The following CAMTA1 variants were observed in gnomAD, a reference collection of about 807,000 sequenced individuals.
CAMTA1 encodes calmodulin-binding transcription activator 1.
CAMTA1 carries 27 observed loss-of-function variants against 170.9 expected under a neutral mutation model. The observed-to-expected ratio is 0.16, with a 90% confidence interval of 0.12 to 0.22. CAMTA1 has a LOEUF of 0.22. Among genes scored for constraint, CAMTA1 ranks in the 10% least tolerant of loss-of-function variants. The pLI is 1.00. For missense variants in CAMTA1, 1,619 were observed against 2,217.2 expected, an observed-to-expected ratio of 0.73 and a Z score of 5.42; for synonymous variants, 833 against 891.5, an observed-to-expected ratio of 0.93 and a Z score of 1.17.
chr1:7,537,670 A>AGGGGCTCTTCCCT (rs1266952425), intron 6 of CAMTA1, among the ~76,000 whole-genome samples: 1 of 152,132 alleles, frequency 6.6e-6, no homozygotes, highest in Non-Finnish European at 1.5e-5. Flanking sequence ...GTCCTCACTG[A>AGGGGCTCTTCCCT]TGAATCTCTT....
intron 4 of CAMTA1, among the ~76,000 whole-genome samples, chr1:7,101,148 G>A (rs1283786650): frequency 2.6e-5 from 4 of 152,246 alleles, no homozygotes; most frequent in African/African-American, 9.6e-5. Flanking sequence ...CTGGCGCCCC[G>A]CAGGCCCCGC....
At chr1:7,018,551 C>T (rs535518914) in intron 3 of CAMTA1, among the ~76,000 whole-genome samples, 4 of 152,178 alleles carry the variant, frequency 2.6e-5, no homozygotes, top group East Asian at 1.9e-4. Context: ...TCCTCTCTCC[C>T]GCTTCTCCTT....
chr1:6,905,097 T>C (rs1678099864), intron 3 of CAMTA1, among the ~76,000 whole-genome samples: 1 of 151,964 alleles, frequency 6.6e-6, no homozygotes. Flanking sequence ...GCCTGTGAAC[T>C]TCATGTTTTC....
At chr1:7,607,399 G>GTGGA (rs146308752) in intron 6 of CAMTA1, among the ~76,000 whole-genome samples, 23,487 of 144,094 alleles carry the variant, frequency 0.16, 2,158 homozygotes, top group African/African-American at 0.25. Flanking sequence ...AGGTGGACTG[G>GTGGA]TGGATGGATG....
At chr1:6,893,267 AAAAAG>A (rs889747391) in intron 3 of CAMTA1, among the ~76,000 whole-genome samples, 4 of 152,294 alleles carry the variant, frequency 2.6e-5, no homozygotes, top group African/African-American at 7.2e-5. Context: ...TCTCGAGGAA[AAAAAG>A]AAAAGAAGAA....
rs1171938518 is a variant in CAMTA1 at position 7,064,575 on chromosome 1, G to A, written c.235-26729G>A. Among the ~76,000 whole-genome samples the A allele has an allele frequency of 6.6e-6, 1 of 152,314 alleles. No individual in the cohort carries two copies. The highest frequency in any genetic ancestry group is 1.5e-5 in the Non-Finnish European group (1 of 68,030). On this transcript the variant is annotated intron_variant, in intron 3 of 22. Transcript: ENST00000303635. The surrounding 1 kb of genome is among the most constrained non-coding windows in gnomAD (Gnocchi z 5.4). ...CCCTGAGGAGGCAGCAGTTTAAGCTGAGATGGGAAGGAAGAGAGGAAGGTG... is the reference window on the plus strand; with the variant it reads ...CCCTGAGGAGGCAGCAGTTTAAGCTAAGATGGGAAGGAAGAGAGGAAGGTG...
At chr1:7,706,089 AATG>A (rs1336936530) in intron 11 of CAMTA1, among the ~76,000 whole-genome samples, 1 of 152,262 alleles carries the variant, frequency 6.6e-6, no homozygotes, top group Non-Finnish European at 1.5e-5. Context: ...AGATTTCTGA[AATG>A]ATGATATTCT....
intron 6 of CAMTA1, among the ~76,000 whole-genome samples, chr1:7,594,988 G>GA (rs1018659642): frequency 1.3e-5 from 2 of 152,174 alleles, no homozygotes; most frequent in Non-Finnish European, 2.9e-5. Flanking sequence ...GGCGATGGGG[G>GA]ATCACCCAAT....
chr1:6,999,589 C>T (rs987812310), intron 3 of CAMTA1, among the ~76,000 whole-genome samples: 3 of 152,162 alleles, frequency 2.0e-5, no homozygotes, highest in African/African-American at 7.2e-5. Context: ...TCCCATGTTG[C>T]CTAGGCTGGT....
rs139466758 is a variant in CAMTA1, at chr1:6,969,455, G to A, written c.235-121849G>A. ...TGCCGCTTGCCCTGGAACCTGGTCC[G>A]GCTCCTCCCCCGGATGATCACATCT... On this transcript the variant is annotated intron_variant, in intron 3 of 22. Coordinates refer to ENST00000303635, the MANE Select transcript of CAMTA1 (RefSeq NM_015215.4). 2.6e-4 allele frequency among the ~76,000 whole-genome samples: 39 copies of A among 152,212 alleles called. No homozygotes were observed. In the East Asian group the frequency reaches 7.0e-3, roughly 27 times the overall value.
chr1:7,165,477 G>C (rs1010423500), intron 4 of CAMTA1, among the ~76,000 whole-genome samples: 1 of 152,054 alleles, frequency 6.6e-6, no homozygotes, highest in African/African-American at 2.4e-5. Context: ...TGTCACCCAG[G>C]CTGGAGTGCA....
chr1:7,297,925 C>G (rs191276321), intron 5 of CAMTA1, among the ~76,000 whole-genome samples: 134 of 152,308 alleles, frequency 8.8e-4, no homozygotes, highest in African/African-American at 3.2e-3. Flanking sequence ...TTCATTGTGG[C>G]AGGAATCAAT....
rs1457462174 is a variant in CAMTA1, at chr1:7,455,680, G to A, written c.439-12150G>A. On this transcript the variant is annotated intron_variant, in intron 5 of 22. Coordinates refer to ENST00000303635, the MANE Select transcript of CAMTA1 (RefSeq NM_015215.4). This position sits in a 1 kb window ranked among gnomAD's most constrained non-coding sequence, Gnocchi z 5.0. ...GGCGTCACAGGTGCCTAGAGCGGGC[G>A]GCGCTGGGGAGCTGGATGCCAGCAG... 6.6e-6 allele frequency among the ~76,000 whole-genome samples: 1 copy of A among 152,232 alleles called. No individual in the cohort carries two copies. Among genetic ancestry groups the A allele is most frequent in the Admixed American group, 6.5e-5 (1 of 15,288 alleles).
At chr1:7,276,278 C>CATATATATATATATATATAT (rs1210333666) in intron 5 of CAMTA1, among the ~76,000 whole-genome samples, 18 of 58,538 alleles carry the variant, frequency 3.1e-4, no homozygotes, top group Non-Finnish European at 3.7e-4. Flanking sequence ...TACACCTGAT[C>CATATATATATATATATATAT]ATATATATAT....
At chr1:7,374,046 C>G (rs1462997412) in intron 5 of CAMTA1, among the ~76,000 whole-genome samples, 1 of 152,182 alleles carries the variant, frequency 6.6e-6, no homozygotes, top group Non-Finnish European at 1.5e-5. Flanking sequence ...GGAGAAGGAC[C>G]CAGAGCCTGC....
intron 5 of CAMTA1, among the ~76,000 whole-genome samples, chr1:7,393,917 G>A (rs2089004374): frequency 6.6e-6 from 1 of 152,122 alleles, no homozygotes; most frequent in Non-Finnish European, 1.5e-5. Context: ...AACTTCTTAA[G>A]ATTCCACATA....
chr1:7,235,011 T>C (rs1402619839), intron 4 of CAMTA1, among the ~76,000 whole-genome samples: 1 of 152,034 alleles, frequency 6.6e-6, no homozygotes, highest in African/African-American at 2.4e-5. Context: ...GGTCTCGAAC[T>C]CCTGACCTCA....
At chr1:7,468,019 G>T (rs1423102363) in intron 6 of CAMTA1, 118 bp downstream of exon 6, 2 of 815,480 alleles carry the variant, frequency 2.5e-6, no homozygotes, top group Non-Finnish European at 4.1e-6. Flanking sequence ...GCCCTGGTGA[G>T]CTTGCCTAGG....
Position 7,680,086 on chromosome 1 carries a change from C to T in CAMTA1, c.2914+2353C>T, listed in dbSNP as rs895292312. 6 of 166,092 alleles carry T rather than the reference C, an allele frequency of 3.6e-5. No individual in the cohort carries two copies. The highest frequency in any genetic ancestry group is 1.4e-4 in the African/African-American group (6 of 41,550). The allele number at this position is 166,092 out of a possible 1,614,324, so 10.3% of individuals were successfully genotyped here. A position where few individuals can be genotyped will look rare whatever the true frequency, so the allele number is the denominator to read the frequency against. ...CTAAGGGAGGGGAGGGGAAGCAGCG[C>T]CGCAGTCGCAGCGCAAAGGGGGCCG... On this transcript the variant is annotated intron_variant, in intron 11 of 22. Coordinates refer to ENST00000303635, the MANE Select transcript of CAMTA1 (RefSeq NM_015215.4). This position sits in a 1 kb window ranked among gnomAD's most constrained non-coding sequence, Gnocchi z 4.4.
Sources: allele counts gnomAD v4.1 joint callset (sites outside exome capture counted in the v4.1 genomes callset), GRCh38; gene constraint gnomAD v4.1.1; non-coding constraint Gnocchi (gnomAD v3.1); transcripts MANE v1.5; gene names NCBI Gene and HGNC (gene_info 2026-07-23, HGNC 2026-07-21).